LTBP1: variants seen among roughly 807,000 people sequenced by gnomAD.
The protein encoded by LTBP1 is latent-transforming growth factor beta-binding protein 1.
A neutral mutation model predicts 207.6 loss-of-function variants in LTBP1; 129 were observed. The ratio of observed to expected loss-of-function variants is 0.62; its 90% CI spans 0.54 to 0.72. The LOEUF (loss-of-function observed/expected upper bound fraction) is 0.72. Ranked by LOEUF, LTBP1 falls within the 30% of genes least tolerant of loss-of-function variation. LTBP1 has a pLI of 0.00. For synonymous variants in LTBP1, 963 were observed against 833.7 expected (o/e 1.16, Z -2.67); for missense variants, 2,281 against 2,217.2 (o/e 1.03, Z -0.58).
chr2:33,290,767 A>G (rs1364891609), intron 19 of LTBP1, among the ~76,000 whole-genome samples: 1 of 152,220 alleles, frequency 6.6e-6, no homozygotes, highest in African/African-American at 2.4e-5. Flanking sequence ...TGTGAAAAAT[A>G]ACATAAAGAA....
intron 19 of LTBP1, among the ~76,000 whole-genome samples, chr2:33,283,912 A>G (rs2093614114): frequency 6.6e-6 from 1 of 152,192 alleles, no homozygotes; most frequent in Non-Finnish European, 1.5e-5. Flanking sequence ...CATTGTTATA[A>G]TCAAACATGT....
chr2:32,947,511 A>G lies in LTBP1; in HGVS notation c.187A>G (p.Ser63Gly), dbSNP rs1241248738. 7.1e-7 allele frequency: 1 copy of G among 1,418,346 alleles called. No homozygotes were observed. Among genetic ancestry groups the G allele is most frequent in the Non-Finnish European group, 9.2e-7 (1 of 1,087,748 alleles). 87.9% of individuals were successfully genotyped at this position (1,418,346 alleles called of 1,614,324 possible). The change falls in exon 1 of 34, where the codon AGC becomes GGC. Residue 63 changes from serine to glycine, a missense_variant. Around this residue, in one of 3 missense-constraint regions of LTBP1, gnomAD observed 555 missense variants for 491.0 expected, o/e 1.13. Coordinates refer to ENST00000404816, the MANE Select transcript of LTBP1 (RefSeq NM_206943.4). Reference sequence around the variant, plus strand: ...CAACGTCGCGCTCAACGCCAGGTACAGCCGCAGCTCGGCGGCTGCCGGCGC... The same window carrying G: ...CAACGTCGCGCTCAACGCCAGGTACGGCCGCAGCTCGGCGGCTGCCGGCGC... The part of the protein sequence containing the change: ...TFNVALNARY[S>G]RSSAAAGAPS...
intron 5 of LTBP1, among the ~76,000 whole-genome samples, chr2:33,158,845 G>A (rs78524177): frequency 6.6e-6 from 1 of 152,128 alleles, no homozygotes; most frequent in Non-Finnish European, 1.5e-5. Context: ...AGCAGTATAC[G>A]TACATGTTAG....
At chr2:33,138,985 A>C (rs561132722) in intron 5 of LTBP1, among the ~76,000 whole-genome samples, 2 of 148,564 alleles carry the variant, frequency 1.3e-5, no homozygotes, top group East Asian at 2.0e-4. Flanking sequence ...CAGCCTCCCG[A>C]GTAGCTGGGA....
At chr2:33,142,265 C>T (rs796556695) in intron 5 of LTBP1, among the ~76,000 whole-genome samples, 3 of 152,092 alleles carry the variant, frequency 2.0e-5, no homozygotes, top group African/African-American at 7.2e-5. Context: ...CTGTGTTAGC[C>T]AGGATGGTCT....
intron 20 of LTBP1, among the ~76,000 whole-genome samples, chr2:33,297,230 A>G (rs1378721995): frequency 1.3e-5 from 2 of 151,994 alleles, no homozygotes; most frequent in African/African-American, 2.4e-5. Context: ...GCGTCTTCCC[A>G]TTACAGCCTG....
At chr2:32,958,728 A>G (rs748553630) in intron 2 of LTBP1, among the ~76,000 whole-genome samples, 2 of 152,180 alleles carry the variant, frequency 1.3e-5, no homozygotes, top group Non-Finnish European at 2.9e-5. Flanking sequence ...CCTTTTGGCA[A>G]TAATTTCCAC....
At chr2:32,994,529 C>T (rs1174950132) in intron 2 of LTBP1, among the ~76,000 whole-genome samples, 3 of 151,054 alleles carry the variant, frequency 2.0e-5, no homozygotes, top group South Asian at 2.1e-4. Flanking sequence ...TGCAGTGGTG[C>T]GATCTCGGCT....
intron 19 of LTBP1, among the ~76,000 whole-genome samples, chr2:33,290,520 A>G (rs1479566746): frequency 2.0e-5 from 3 of 152,208 alleles, no homozygotes; most frequent in Non-Finnish European, 2.9e-5. Flanking sequence ...TTTAGAAAAA[A>G]GTTTATTCTG....
rs1291628417 is a variant in LTBP1 at position 33,322,416 on chromosome 2, C to T, written c.3730+7147C>T. On this transcript the variant is annotated intron_variant, in intron 24 of 33. Transcript: ENST00000404816. ...GTAAGCAGTGTTTTTGTACTTGAGA[C>T]CTAAACTGTAATGCTTCATACACAT... Among the ~76,000 whole-genome samples the T allele has an allele frequency of 2.6e-5, 4 of 152,150 alleles. No homozygotes were observed. In the East Asian group the frequency reaches 7.7e-4, roughly 29 times the overall value.
At chr2:33,069,004 A>G (rs1460502282) in intron 3 of LTBP1, among the ~76,000 whole-genome samples, 4 of 152,238 alleles carry the variant, frequency 2.6e-5, no homozygotes, top group African/African-American at 9.6e-5. Context: ...GCCTCAATAA[A>G]TGTCAGTTTC....
chr2:33,151,436 T>G (rs1326666316), intron 5 of LTBP1, among the ~76,000 whole-genome samples: 3 of 152,194 alleles, frequency 2.0e-5, no homozygotes, highest in African/African-American at 7.2e-5. Flanking sequence ...TTTATTGTGC[T>G]TCAGCTTACC....
rs1686820069 is a variant in LTBP1, at chr2:33,006,075, A to T, written c.566-14834A>T. Among the ~76,000 whole-genome samples the T allele has an allele frequency of 4.8e-5, 7 of 145,824 alleles. No individual in the cohort carries two copies. The Admixed American group carries it at 4.8e-4, about 10-fold the overall frequency. ...CCAGTGATGACAAATACTGGCAAGAAATCTAAGAAAAAATTTAAAAATCAG... is the reference window on the plus strand; with the variant it reads ...CCAGTGATGACAAATACTGGCAAGATATCTAAGAAAAAATTTAAAAATCAG... On this transcript the variant is annotated intron_variant, in intron 2 of 33. Transcript: ENST00000404816.
At chr2:32,958,168 A>G (rs947175293) in intron 2 of LTBP1, among the ~76,000 whole-genome samples, 1 of 152,038 alleles carries the variant, frequency 6.6e-6, no homozygotes, top group African/African-American at 2.4e-5. Flanking sequence ...CGGACAGTCA[A>G]GCTTGAGACC....
At chr2:33,354,978 A>T (rs1301409049) in intron 26 of LTBP1, among the ~76,000 whole-genome samples, 1 of 152,128 alleles carries the variant, frequency 6.6e-6, no homozygotes, top group Non-Finnish European at 1.5e-5. Flanking sequence ...TCTTCTTAAT[A>T]CTACAAGATA....
chr2:33,388,268 C>T (rs1047529410), intron 31 of LTBP1, among the ~76,000 whole-genome samples: 3 of 152,110 alleles, frequency 2.0e-5, no homozygotes, highest in African/African-American at 7.2e-5. Context: ...CAGTGTGGAA[C>T]AGCAATATGG....
At chr2:33,049,106 T>A (rs2149483884) in intron 3 of LTBP1, among the ~76,000 whole-genome samples, 1 of 152,282 alleles carries the variant, frequency 6.6e-6, no homozygotes, top group African/African-American at 2.4e-5. Flanking sequence ...ACTTGTAAAA[T>A]AAATGTACAG....
chr2:33,361,628 A>G, intron 28 of LTBP1, 113 bp downstream of exon 28: 1 of 666,690 alleles, frequency 1.5e-6, no homozygotes, highest in Non-Finnish European at 2.5e-6. Flanking sequence ...ATGAAAACTG[A>G]TTACAAAGTC....
intron 5 of LTBP1, among the ~76,000 whole-genome samples, chr2:33,137,657 A>G (rs2082254133): frequency 6.6e-6 from 1 of 152,212 alleles, no homozygotes; most frequent in South Asian, 2.1e-4. Flanking sequence ...TCAGAATAAC[A>G]GAAATAATTT....
Sources: gnomAD v4.1 joint callset for allele counts (sites outside exome capture counted in the v4.1 genomes callset) on GRCh38, gnomAD v4.1.1 for gene constraint, gnomAD v4.1.1 regional missense constraint, MANE v1.5 for transcripts, NCBI Gene and HGNC (gene_info 2026-07-23, HGNC 2026-07-21) for gene names.